The following CADM2 variants were observed in gnomAD, a reference collection of about 807,000 sequenced individuals.
CADM2 encodes immunoglobulin superfamily member 4D.
A neutral mutation model predicts 49.8 loss-of-function variants in CADM2; 12 were observed. That is an observed-to-expected ratio of 0.24 (90% CI 0.15 to 0.39). The LOEUF (loss-of-function observed/expected upper bound fraction) is 0.39, where lower values mean the gene tolerates loss of function less well. CADM2 is among the 10% of genes least tolerant of loss of function. CADM2 has a pLI of 1.00. For synonymous variants in CADM2, 214 were observed against 175.4 expected, an observed-to-expected ratio of 1.22 and a Z score of -1.74; for missense variants, 378 against 492.3, an observed-to-expected ratio of 0.77 and a Z score of 2.20.
chr3:85,791,911 T>G (rs1055615896), intron 2 of CADM2, among the ~76,000 whole-genome samples: 8 of 152,062 alleles, frequency 5.3e-5, no homozygotes, highest in African/African-American at 1.9e-4. Context: ...TTTTAGTAGA[T>G]ACAGGGTTTC....
intron 8 of CADM2, among the ~76,000 whole-genome samples, chr3:86,026,989 T>A (rs1559809924): frequency 6.6e-6 from 1 of 152,142 alleles, no homozygotes; most frequent in Non-Finnish European, 1.5e-5. Flanking sequence ...TGGACTTTGA[T>A]TATTTTCAAA....
intron 1 of CADM2, among the ~76,000 whole-genome samples, chr3:85,206,140 T>G (rs1180711429): frequency 6.6e-6 from 1 of 152,130 alleles, no homozygotes; most frequent in East Asian, 1.9e-4. Flanking sequence ...GTTTTGCTTT[T>G]TTTTTGTTTG....
At chr3:85,756,499 T>C (rs906470665) in intron 2 of CADM2, among the ~76,000 whole-genome samples, 1 of 152,200 alleles carries the variant, frequency 6.6e-6, no homozygotes, top group Non-Finnish European at 1.5e-5. Context: ...TTGTCAGTTA[T>C]GCTAGTTTTA....
chr3:85,328,523 T>G (rs1239922969), intron 1 of CADM2, among the ~76,000 whole-genome samples: 1 of 152,222 alleles, frequency 6.6e-6, no homozygotes, highest in Non-Finnish European at 1.5e-5. Flanking sequence ...TATTTCCATG[T>G]TTCCAATTTG....
chr3:85,962,627 G>A (rs1024797638), intron 8 of CADM2, among the ~76,000 whole-genome samples: 12 of 151,796 alleles, frequency 7.9e-5, no homozygotes, highest in Non-Finnish European at 1.0e-4. Context: ...GAATTTTTAC[G>A]AGATTGATGA....
intron 8 of CADM2, among the ~76,000 whole-genome samples, chr3:86,033,500 G>A (rs1472514427): frequency 6.6e-6 from 1 of 151,516 alleles, no homozygotes; most frequent in Non-Finnish European, 1.5e-5. Context: ...GCATACATAG[G>A]TGTGGGGAGT....
At chr3:85,899,178 C>T (rs1421042505) in intron 5 of CADM2, among the ~76,000 whole-genome samples, 1 of 151,254 alleles carries the variant, frequency 6.6e-6, no homozygotes, top group East Asian at 2.0e-4. Context: ...TTTGACCAGG[C>T]TGGTCTTGAA....
chr3:85,460,344 C>T (rs2038185917), intron 1 of CADM2, among the ~76,000 whole-genome samples: 1 of 151,912 alleles, frequency 6.6e-6, no homozygotes, highest in African/African-American at 2.4e-5. Flanking sequence ...AAGACAGAAT[C>T]CAACTTTATA....
At chr3:85,317,117 T>C (rs1461719050) in intron 1 of CADM2, among the ~76,000 whole-genome samples, 1 of 151,540 alleles carries the variant, frequency 6.6e-6, no homozygotes, top group African/African-American at 2.4e-5. Context: ...GAATTCTCAG[T>C]GGTGTTTGCT....
At chr3:85,890,165 GAA>G in intron 5 of CADM2, among the ~76,000 whole-genome samples, 1 of 152,034 alleles carries the variant, frequency 6.6e-6, no homozygotes, top group Non-Finnish European at 1.5e-5. Flanking sequence ...ATTGAAAGGG[GAA>G]AGAGCAAGCA....
At chr3:85,139,042 G>A (rs1288757981) in intron 1 of CADM2, among the ~76,000 whole-genome samples, 1 of 152,094 alleles carries the variant, frequency 6.6e-6, no homozygotes, top group Non-Finnish European at 1.5e-5. Flanking sequence ...ATCTGCTACT[G>A]GCATCGGTGA....
intron 1 of CADM2, among the ~76,000 whole-genome samples, chr3:84,979,430 C>T (rs1043184158): frequency 6.6e-6 from 1 of 151,982 alleles, no homozygotes; most frequent in Non-Finnish European, 1.5e-5. Context: ...ATGTGTGTGC[C>T]TGTGTACATA....
intron 1 of CADM2, among the ~76,000 whole-genome samples, chr3:85,136,208 A>T (rs1162869001): frequency 6.6e-6 from 1 of 151,966 alleles, no homozygotes; most frequent in African/African-American, 2.4e-5. Context: ...GGAGTTCTAA[A>T]GGAAGAATAA....
At position 86,024,937 on chromosome 3, in the gene CADM2, G is replaced by A. The variant is rs1009438702; in HGVS notation, c.971-40668G>A. Among the ~76,000 whole-genome samples, 25 of 151,698 alleles carry A rather than the reference G, an allele frequency of 1.6e-4. 1 individual carries two copies. Among genetic ancestry groups the A allele is most frequent in the Admixed American group, 1.3e-4 (2 of 15,240 alleles). On this transcript the variant is annotated intron_variant, in intron 8 of 9. Transcript: ENST00000383699. ...TCACTCTGTCGCCCTGGAGTGCAGTGGTGCAATCTTGGCTCATTGCACCTT... is the reference window on the plus strand; with the variant it reads ...TCACTCTGTCGCCCTGGAGTGCAGTAGTGCAATCTTGGCTCATTGCACCTT...
At chr3:85,408,010 C>CAAAAAAAAAAAAAAAAAAAAAAAA (rs372349246) in intron 1 of CADM2, among the ~76,000 whole-genome samples, 9 of 56,166 alleles carry the variant, frequency 1.6e-4, no homozygotes, top group South Asian at 9.8e-4. Flanking sequence ...AAAACAAAAC[C>CAAAAAAAAAAAAAAAAAAAAAAAA]AAAAAAAAAA....
intron 1 of CADM2, among the ~76,000 whole-genome samples, chr3:85,625,192 G>T (rs1473437159): frequency 2.0e-5 from 3 of 151,762 alleles, no homozygotes; most frequent in Admixed American, 1.3e-4. Context: ...TAAATTTTTG[G>T]CTAACTGAAA....
intron 2 of CADM2, among the ~76,000 whole-genome samples, chr3:85,786,771 G>A (rs1425408520): frequency 6.6e-6 from 1 of 151,954 alleles, no homozygotes; most frequent in Non-Finnish European, 1.5e-5. Context: ...GTATACCTCT[G>A]CTATCAAGAG....
intron 1 of CADM2, among the ~76,000 whole-genome samples, chr3:85,106,570 T>A (rs538313952): frequency 6.6e-6 from 1 of 152,204 alleles, no homozygotes; most frequent in South Asian, 2.1e-4. Context: ...TCTGGGAAAA[T>A]AAAGATTAAT....
chr3:85,372,587 C>G (rs4279114), intron 1 of CADM2, among the ~76,000 whole-genome samples: 40,234 of 151,784 alleles, frequency 0.27, 5,539 homozygotes, highest in South Asian at 0.34. Context: ...TTATACCCCT[C>G]TGGCCCACAT....
Sources: allele counts gnomAD v4.1 joint callset (sites outside exome capture counted in the v4.1 genomes callset), GRCh38; gene constraint gnomAD v4.1.1; transcripts MANE v1.5; gene names NCBI Gene and HGNC (gene_info 2026-07-23, HGNC 2026-07-21).